The following NRCAM variants were observed in gnomAD, a reference collection of about 807,000 sequenced individuals.
The protein encoded by NRCAM is neuronal cell adhesion molecule, also known as NgCAM-related cell adhesion molecule.
A neutral mutation model predicts 156.5 loss-of-function variants in NRCAM; 83 were observed. That is an observed-to-expected ratio of 0.53 (90% CI 0.44 to 0.64). NRCAM has a LOEUF of 0.64. Among genes scored for constraint, NRCAM ranks in the 30% least tolerant of loss-of-function variants. The pLI, the probability that NRCAM is intolerant of heterozygous loss-of-function variation, is 0.00. For synonymous variants in NRCAM, 538 were observed against 563.9 expected (o/e 0.95, Z 0.65); for missense variants, 1,417 against 1,597.3 (o/e 0.89, Z 1.92).
intron 2 of NRCAM, among the ~76,000 whole-genome samples, chr7:108,327,630 G>A (rs1020624269): frequency 1.3e-5 from 2 of 152,184 alleles, no homozygotes; most frequent in Non-Finnish European, 2.9e-5. Flanking sequence ...GAAGCATGGA[G>A]TATAATCTTA....
At chr7:108,361,285 T>G (rs939016522) in intron 2 of NRCAM, among the ~76,000 whole-genome samples, 1 of 152,226 alleles carries the variant, frequency 6.6e-6, no homozygotes, top group East Asian at 1.9e-4. Flanking sequence ...AAGTTAAACA[T>G]AGTCTTACCA....
At chr7:108,431,911 G>C (rs1351584194) in intron 1 of NRCAM, among the ~76,000 whole-genome samples, 1 of 152,236 alleles carries the variant, frequency 6.6e-6, no homozygotes, top group Non-Finnish European at 1.5e-5. Flanking sequence ...AAAAGGTAGA[G>C]GTAAGGGTAA....
intron 3 of NRCAM, among the ~76,000 whole-genome samples, chr7:108,256,728 A>G (rs117021009): frequency 0.04 from 6,161 of 152,290 alleles, 167 homozygotes; most frequent in Middle Eastern, 0.078. Flanking sequence ...TAGAAATGCA[A>G]AAGTATAGCC....
intron 1 of NRCAM, among the ~76,000 whole-genome samples, chr7:108,443,152 G>A (rs574881147): frequency 7.9e-5 from 12 of 151,630 alleles, no homozygotes; most frequent in Middle Eastern, 6.8e-3. Flanking sequence ...AAACAATCTC[G>A]TTGCTATTAT....
intron 2 of NRCAM, among the ~76,000 whole-genome samples, chr7:108,328,892 T>G (rs1397177251): frequency 3.3e-5 from 5 of 152,156 alleles, no homozygotes; most frequent in African/African-American, 1.2e-4. Flanking sequence ...GGGTTTTTAT[T>G]CCTTTTGACA....
intron 2 of NRCAM, among the ~76,000 whole-genome samples, chr7:108,357,049 C>A (rs1329078947): frequency 6.6e-6 from 1 of 152,172 alleles, no homozygotes; most frequent in Non-Finnish European, 1.5e-5. Context: ...GGGACCCTCA[C>A]CAGACACAGA....
At chr7:108,190,516 C>T (rs1436772449) in intron 19 of NRCAM, among the ~76,000 whole-genome samples, 1 of 151,966 alleles carries the variant, frequency 6.6e-6, no homozygotes, top group Admixed American at 6.6e-5. Flanking sequence ...TAAATGTCTA[C>T]AAAGCACAGG....
chr7:108,296,287 G>A (rs1345470697), intron 3 of NRCAM, among the ~76,000 whole-genome samples: 1 of 152,052 alleles, frequency 6.6e-6, no homozygotes, highest in East Asian at 1.9e-4. Context: ...TCTTACACAG[G>A]TACTGGCCTT....
chr7:108,435,534 CATACTAAT>C (rs1164355797), intron 1 of NRCAM, among the ~76,000 whole-genome samples: 1 of 152,006 alleles, frequency 6.6e-6, no homozygotes, highest in African/African-American at 2.4e-5. Flanking sequence ...TTTGATGAAG[CATACTAAT>C]ATACAGATCT....
At chr7:108,286,407 A>C (rs1302468266) in intron 3 of NRCAM, among the ~76,000 whole-genome samples, 1 of 152,164 alleles carries the variant, frequency 6.6e-6, no homozygotes, top group Non-Finnish European at 1.5e-5. Context: ...TCCTTTATGT[A>C]GAACAATACT....
chr7:108,347,268 C>A (rs1397678719), intron 2 of NRCAM, among the ~76,000 whole-genome samples: 1 of 152,012 alleles, frequency 6.6e-6, no homozygotes, highest in African/African-American at 2.4e-5. Flanking sequence ...GATCTCCTGA[C>A]CTTGTGATCC....
chr7:108,193,541 A>G (rs1383388111), intron 17 of NRCAM, among the ~76,000 whole-genome samples: 1 of 152,198 alleles, frequency 6.6e-6, no homozygotes, highest in Non-Finnish European at 1.5e-5. Context: ...TAAATGCTCT[A>G]CCTGTTTTTG....
chr7:108,357,752 C>T (rs1035874256), intron 2 of NRCAM, among the ~76,000 whole-genome samples: 6 of 152,210 alleles, frequency 3.9e-5, no homozygotes. Context: ...TTTCTCTCTC[C>T]TATCTTCAGT....
At chr7:108,423,418 C>A (rs1201971119) in intron 1 of NRCAM, among the ~76,000 whole-genome samples, 1 of 151,792 alleles carries the variant, frequency 6.6e-6, no homozygotes, top group Non-Finnish European at 1.5e-5. Context: ...TCACCTGATT[C>A]AGAGAGAAAA....
chr7:108,241,517 T>C lies in NRCAM; in HGVS notation c.-106-1347A>G, dbSNP rs142933299. 6.2e-3 allele frequency among the ~76,000 whole-genome samples: 952 copies of C among 152,322 alleles called. 5 individuals are homozygous for C. Among genetic ancestry groups the C allele is most frequent in the Non-Finnish European group, 0.011 (718 of 68,030 alleles). On this transcript the variant is annotated intron_variant, in intron 3 of 32. Coordinates refer to ENST00000379028, the MANE Select transcript of NRCAM (RefSeq NM_001037132.4). ...ACAAGTTGAAGTACTGAATTATTTA[T>C]GTAATTTTTATTTGTATGATTGTAT... is the stretch of plus-strand genomic sequence containing the variant.
chr7:108,444,048 A>G (rs1841788959), intron 1 of NRCAM, among the ~76,000 whole-genome samples: 1 of 152,172 alleles, frequency 6.6e-6, no homozygotes, highest in Non-Finnish European at 1.5e-5. Flanking sequence ...GATTCAACCA[A>G]TCACTGATGG....
intron 1 of NRCAM, among the ~76,000 whole-genome samples, chr7:108,423,627 C>T (rs1813188478): frequency 6.6e-6 from 1 of 152,198 alleles, no homozygotes; most frequent in Non-Finnish European, 1.5e-5. Context: ...AGTCTATATT[C>T]CAGCTAACAA....
rs10665036 is a variant in NRCAM at position 108,300,160 on chromosome 7, CTTTTTTTT to C, written c.-107+12497_-107+12504del. ...TAATCCTTCCCCAAATTTCTGTTGACTTTTTTTTTTTTTTTTTTTTTTTTTTTTTACAA... is the reference window on the plus strand; with the variant it reads ...TAATCCTTCCCCAAATTTCTGTTGACTTTTTTTTTTTTTTTTTTTTTACAA... On this transcript the variant is annotated intron_variant, in intron 3 of 32. Coordinates refer to ENST00000379028, the MANE Select transcript of NRCAM (RefSeq NM_001037132.4). Among the ~76,000 whole-genome samples the C allele has an allele frequency of 3.3e-3, 215 of 65,872 alleles. 2 individuals carry two copies. Among genetic ancestry groups the C allele is most frequent in the South Asian group, 9.7e-3 (11 of 1,134 alleles). The allele number at this position is 65,872 out of a possible 152,430, so 43.2% of individuals were successfully genotyped here. A position where few individuals can be genotyped will look rare whatever the true frequency, so the allele number is the denominator to read the frequency against.
intron 17 of NRCAM, among the ~76,000 whole-genome samples, 191 bp from the exon 18 acceptor site, chr7:108,192,044 T>C (rs2072084908): frequency 6.6e-6 from 1 of 152,200 alleles, no homozygotes; most frequent in Non-Finnish European, 1.5e-5. Context: ...AATTAGAATA[T>C]TGGGTTAGAA....
Sources: gnomAD v4.1 joint callset for allele counts (sites outside exome capture counted in the v4.1 genomes callset) on GRCh38, gnomAD v4.1.1 for gene constraint, MANE v1.5 for transcripts, NCBI Gene and HGNC (gene_info 2026-07-23, HGNC 2026-07-21) for gene names.